Variants in CCDC91 observed in about 807,000 individuals in gnomAD.
The protein encoded by CCDC91 is coiled-coil domain-containing protein 91.
Under a neutral mutation model 63.2 loss-of-function variants are expected in CCDC91, and 48 were observed. The ratio of observed to expected loss-of-function variants is 0.76; its 90% confidence interval spans 0.60 to 0.97. CCDC91 has a LOEUF of 0.97. CCDC91 is among the 50% of genes least tolerant of loss of function. The probability of loss-of-function intolerance (pLI) is 0.00; values close to 1 mark genes in which losing one functional copy is unlikely to be tolerated. For synonymous variants in CCDC91, 167 were observed against 165.8 expected (o/e 1.01, Z -0.06); for missense variants, 500 against 494.6 (o/e 1.01, Z -0.10).
chr12:28,507,596 C>G (rs1015038395), intron 12 of CCDC91, among the ~76,000 whole-genome samples: 1 of 151,958 alleles, frequency 6.6e-6, no homozygotes. Context: ...TGCCATTTTT[C>G]TAAATTCATC....
intron 12 of CCDC91, among the ~76,000 whole-genome samples, chr12:28,504,295 T>C (rs1167005327): frequency 2.6e-5 from 4 of 151,886 alleles, no homozygotes; most frequent in Admixed American, 6.6e-5. Context: ...AGAAAATGTT[T>C]CCCAATACTT....
At chr12:28,355,349 G>T (rs1428027854) in intron 6 of CCDC91, among the ~76,000 whole-genome samples, 2 of 152,166 alleles carry the variant, frequency 1.3e-5, no homozygotes, top group Non-Finnish European at 2.9e-5. Context: ...CTCAGCTGGG[G>T]TTTTGCAAAA....
chr12:28,198,128 T>C (rs1941925773), intron 1 of CCDC91, among the ~76,000 whole-genome samples: 3 of 152,190 alleles, frequency 2.0e-5, no homozygotes, highest in African/African-American at 7.2e-5. Flanking sequence ...AAATCACTTT[T>C]TCCTTGTATT....
At chr12:28,537,737 T>C (rs1942288912) in intron 12 of CCDC91, among the ~76,000 whole-genome samples, 1 of 152,020 alleles carries the variant, frequency 6.6e-6, no homozygotes, top group Admixed American at 6.6e-5. Flanking sequence ...CTGCCAGAGC[T>C]CCAGCAAAGA....
intron 3 of CCDC91, among the ~76,000 whole-genome samples, chr12:28,266,744 A>G (rs1185675881): frequency 6.6e-6 from 1 of 151,952 alleles, no homozygotes; most frequent in Non-Finnish European, 1.5e-5. Flanking sequence ...ATTTAGAGAA[A>G]AGTAAAATAG....
intron 8 of CCDC91, among the ~76,000 whole-genome samples, chr12:28,430,659 A>T (rs181701378): frequency 3.1e-3 from 471 of 152,258 alleles, no homozygotes; most frequent in Non-Finnish European, 4.4e-3. Context: ...TTTTCCATAA[A>T]CATGTATTAG....
At position 28,428,580 on chromosome 12, in the gene CCDC91, A is replaced by C. The variant is rs1443865014; in HGVS notation, c.763-21581A>C. On this transcript the variant is annotated intron_variant, in intron 8 of 12. Transcript: ENST00000536442. ...GTGAAACTCCGTCTCTCCCCAAAAAAAAAAAAAAAAAAAAAAAAGAAAGAA... is the reference window on the plus strand; with the variant it reads ...GTGAAACTCCGTCTCTCCCCAAAAACAAAAAAAAAAAAAAAAAAGAAAGAA... 1.1e-4 allele frequency among the ~76,000 whole-genome samples: 16 copies of C among 150,310 alleles called. 1 individual carries two copies. Among genetic ancestry groups the C allele is most frequent in the Admixed American group, 2.0e-4 (3 of 15,110 alleles).
chr12:28,523,711 A>T (rs1940974273), intron 12 of CCDC91, among the ~76,000 whole-genome samples: 1 of 152,050 alleles, frequency 6.6e-6, no homozygotes, highest in Non-Finnish European at 1.5e-5. Context: ...AGTGTCTGGT[A>T]GTGGTTGTTC....
intron 1 of CCDC91, among the ~76,000 whole-genome samples, chr12:28,192,938 G>A (rs930514958): frequency 1.3e-5 from 2 of 152,060 alleles, no homozygotes; most frequent in Non-Finnish European, 2.9e-5. Context: ...CCACTGATCT[G>A]TTCTCTGTCC....
intron 3 of CCDC91, among the ~76,000 whole-genome samples, chr12:28,277,111 G>A (rs537459654): frequency 6.6e-6 from 1 of 151,994 alleles, no homozygotes; most frequent in South Asian, 2.1e-4. Context: ...GTAAGATCAC[G>A]CAGAGTAGAT....
chr12:28,494,970 G>C (rs1194767380), intron 12 of CCDC91, among the ~76,000 whole-genome samples: 1 of 151,722 alleles, frequency 6.6e-6, no homozygotes. Context: ...CTGGATATGA[G>C]ACAGATTCAG....
chr12:28,366,037 A>C (rs1165727299), intron 7 of CCDC91, among the ~76,000 whole-genome samples: 1 of 152,190 alleles, frequency 6.6e-6, no homozygotes, highest in East Asian at 1.9e-4. Context: ...AAGTAAAACA[A>C]AAATGGCAAA....
chr12:28,322,400 A>G (rs541694697), intron 6 of CCDC91, among the ~76,000 whole-genome samples: 1 of 151,916 alleles, frequency 6.6e-6, no homozygotes, highest in South Asian at 2.1e-4. Flanking sequence ...ATGACCTCAC[A>G]CATTTAAAAA....
At chr12:28,387,876 G>A (rs985497224) in intron 7 of CCDC91, among the ~76,000 whole-genome samples, 2 of 152,168 alleles carry the variant, frequency 1.3e-5, no homozygotes, top group South Asian at 2.1e-4. Context: ...TTCGTATAAT[G>A]ACTTCTTTTC....
At chr12:28,452,013 C>A (rs1032263171) in intron 10 of CCDC91, among the ~76,000 whole-genome samples, 3 of 150,098 alleles carry the variant, frequency 2.0e-5, no homozygotes, top group Non-Finnish European at 4.5e-5. Flanking sequence ...CATACAGTAG[C>A]ATTTTCCTTT....
intron 1 of CCDC91, among the ~76,000 whole-genome samples, chr12:28,192,795 G>A (rs1355824051): frequency 6.6e-6 from 1 of 152,066 alleles, no homozygotes; most frequent in East Asian, 1.9e-4. Flanking sequence ...TGATTTATAA[G>A]TAAAAAAGTA....
At chr12:28,460,362 TG>T (rs1950245624) in intron 11 of CCDC91, among the ~76,000 whole-genome samples, 1 of 152,132 alleles carries the variant, frequency 6.6e-6, no homozygotes, top group Admixed American at 6.6e-5. Context: ...CTGAATTTTC[TG>T]TTACTTGTGA....
chr12:28,309,776 T>G (rs1404691423), intron 6 of CCDC91, among the ~76,000 whole-genome samples: 2 of 152,086 alleles, frequency 1.3e-5, no homozygotes, highest in African/African-American at 4.8e-5. Context: ...CAGCTCTCGC[T>G]GAACTCTAGC....
chr12:28,526,690 A>C (rs1483323828), intron 12 of CCDC91, among the ~76,000 whole-genome samples: 2 of 152,118 alleles, frequency 1.3e-5, no homozygotes, highest in East Asian at 3.9e-4. Flanking sequence ...TTATTCCCCC[A>C]AATATATTTT....
Sources: gnomAD v4.1 joint callset for allele counts (sites outside exome capture counted in the v4.1 genomes callset) on GRCh38, gnomAD v4.1.1 for gene constraint, MANE v1.5 for transcripts, NCBI Gene and HGNC (gene_info 2026-07-23, HGNC 2026-07-21) for gene names.